HCRTR2: variants seen among roughly 807,000 people sequenced by gnomAD.
HCRTR2 encodes orexin receptor type 2.
A neutral mutation model predicts 49.0 loss-of-function variants in HCRTR2; 22 were observed. The observed-to-expected ratio is 0.45, with a 90% confidence interval of 0.32 to 0.64. HCRTR2 has a LOEUF of 0.64. HCRTR2 is among the 30% of genes least tolerant of loss of function. The pLI is 0.04. For synonymous variants in HCRTR2, 236 were observed against 205.3 expected, an observed-to-expected ratio of 1.15 and a Z score of -1.28; for missense variants, 491 against 559.4, an observed-to-expected ratio of 0.88 and a Z score of 1.23.
chr6:55,245,200 CTT>C (rs963708658), intron 1 of HCRTR2, among the ~76,000 whole-genome samples: 2 of 151,576 alleles, frequency 1.3e-5, no homozygotes, highest in Non-Finnish European at 2.9e-5. Flanking sequence ...GAAAACCACA[CTT>C]AAGATATGTT....
chr6:55,260,903 T>G (rs1425036789), intron 3 of HCRTR2, among the ~76,000 whole-genome samples: 2 of 152,170 alleles, frequency 1.3e-5, no homozygotes, highest in Non-Finnish European at 2.9e-5. Flanking sequence ...TAACCAAGCT[T>G]TCATGCTTCT....
At chr6:55,143,130 T>TTTTTTTTTTTTTTTTTTTTTTTG (rs1554167809) in intron 1 of HCRTR2, among the ~76,000 whole-genome samples, 1 of 149,774 alleles carries the variant, frequency 6.7e-6, no homozygotes, top group African/African-American at 2.5e-5. Context: ...AAATATTTTT[T>TTTTTTTTTTTTTTTTTTTTTTTG]AAGTTAATAG....
intron 1 of HCRTR2, among the ~76,000 whole-genome samples, chr6:55,193,523 G>A (rs76896074): frequency 0.018 from 2,660 of 150,602 alleles, 68 homozygotes; most frequent in African/African-American, 0.061. Flanking sequence ...GGATTTGAGG[G>A]TTTTTTGTTT....
intron 1 of HCRTR2, among the ~76,000 whole-genome samples, chr6:55,128,612 T>C (rs939399968): frequency 7.2e-5 from 11 of 152,336 alleles, no homozygotes; most frequent in Admixed American, 7.2e-4. Context: ...CAGTGGCTTA[T>C]AGTTCTTGTA....
chr6:55,109,230 G>A (rs566078519), intron 1 of HCRTR2, among the ~76,000 whole-genome samples: 1 of 152,078 alleles, frequency 6.6e-6, no homozygotes, highest in African/African-American at 2.4e-5. Flanking sequence ...TTGGACAAAA[G>A]AACTGAGATC....
At position 55,114,100 on chromosome 6, in the gene HCRTR2, T is replaced by C. The variant is rs142134795; in HGVS notation, c.-378+7555T>C. ...TGAAAATGCAAAGGCATAAGAATGA[T>C]ACAATGGACTTTAGGAACTTTGGGG... On this transcript the variant is annotated intron_variant, in intron 1 of 7. Coordinates refer to the HCRTR2 transcript ENST00000615358. 4.6e-5 allele frequency among the ~76,000 whole-genome samples: 7 copies of C among 151,686 alleles called. No homozygotes were observed. In the East Asian group the frequency reaches 1.2e-3, roughly 25 times the overall value.
intron 4 of HCRTR2, among the ~76,000 whole-genome samples, chr6:55,270,707 G>T (rs528593320): frequency 2.6e-5 from 4 of 152,120 alleles, no homozygotes; most frequent in African/African-American, 9.7e-5. Context: ...TTTATAAAAT[G>T]TAAGTAAGTT....
intron 1 of HCRTR2, among the ~76,000 whole-genome samples, chr6:55,228,104 C>T (rs1766045036): frequency 6.6e-6 from 1 of 152,014 alleles, no homozygotes; most frequent in African/African-American, 2.4e-5. Flanking sequence ...AGAGGATTTC[C>T]AGGACAGTGA....
At chr6:55,133,086 A>G (rs947880904) in intron 1 of HCRTR2, among the ~76,000 whole-genome samples, 2 of 151,864 alleles carry the variant, frequency 1.3e-5, no homozygotes, top group African/African-American at 2.4e-5. Flanking sequence ...TTGGTAAGAT[A>G]ACAAGGTTGA....
At chr6:55,114,562 AC>A (rs199642048) in intron 1 of HCRTR2, among the ~76,000 whole-genome samples, 2,511 of 151,892 alleles carry the variant, frequency 0.017, 33 homozygotes, top group Middle Eastern at 0.037. Context: ...CAGAATTTCT[AC>A]CCTCTGTATT....
intron 4 of HCRTR2, among the ~76,000 whole-genome samples, chr6:55,274,565 TA>T (rs1457593139): frequency 1.3e-5 from 2 of 151,792 alleles, no homozygotes; most frequent in East Asian, 3.9e-4. Flanking sequence ...AACCAATCTG[TA>T]GGCATTTTAT....
chr6:55,153,644 G>A, intron 1 of HCRTR2, among the ~76,000 whole-genome samples: 1 of 151,940 alleles, frequency 6.6e-6, no homozygotes, highest in East Asian at 1.9e-4. Context: ...TAATCAGGAA[G>A]TGTGATATCT....
At chr6:55,197,474 T>A (rs887340050) in intron 1 of HCRTR2, among the ~76,000 whole-genome samples, 1 of 152,122 alleles carries the variant, frequency 6.6e-6, no homozygotes, top group Non-Finnish European at 1.5e-5. Flanking sequence ...CCCAATTCTA[T>A]CTGTAATCCT....
intron 1 of HCRTR2, among the ~76,000 whole-genome samples, chr6:55,115,976 T>G (rs962269781): frequency 2.6e-5 from 4 of 151,802 alleles, no homozygotes; most frequent in African/African-American, 9.7e-5. Flanking sequence ...AGCTTCAAAA[T>G]GTCTCAGGTA....
At chr6:55,170,077 A>C (rs539356243), upstream of HCRTR2, among the ~76,000 whole-genome samples, 1 of 151,424 alleles carries the variant, frequency 6.6e-6, no homozygotes, top group African/African-American at 2.4e-5. Context: ...TTTGAGATTT[A>C]TTTTTCCGTC....
intron 1 of HCRTR2, among the ~76,000 whole-genome samples, chr6:55,213,155 A>G (rs1581833357): frequency 6.6e-6 from 1 of 152,184 alleles, no homozygotes; most frequent in East Asian, 1.9e-4. Flanking sequence ...GAGCTAGTAC[A>G]GAAAGCAAAT....
intron 1 of HCRTR2, among the ~76,000 whole-genome samples, chr6:55,168,975 G>T (rs538346662): frequency 6.6e-6 from 1 of 151,880 alleles, no homozygotes; most frequent in African/African-American, 2.4e-5. Context: ...CCCACAATCT[G>T]GTTACCATTC....
At chr6:55,118,869 T>C (rs1266150859) in intron 1 of HCRTR2, among the ~76,000 whole-genome samples, 1 of 151,744 alleles carries the variant, frequency 6.6e-6, no homozygotes, top group South Asian at 2.1e-4. Flanking sequence ...GCACATGCCA[T>C]GGTGGTTTGC....
intron 1 of HCRTR2, among the ~76,000 whole-genome samples, chr6:55,123,287 T>G (rs752580536): frequency 6.6e-6 from 1 of 152,118 alleles, no homozygotes; most frequent in African/African-American, 2.4e-5. Context: ...CTCTTTTTTT[T>G]GAGACATGTT....
Sources: allele counts gnomAD v4.1 joint callset (sites outside exome capture counted in the v4.1 genomes callset), GRCh38; gene constraint gnomAD v4.1.1; transcripts MANE v1.5; gene names NCBI Gene and HGNC (gene_info 2026-07-23, HGNC 2026-07-21).